The following SLC24A2 variants were observed in gnomAD, a reference collection of about 807,000 sequenced individuals.
SLC24A2 encodes sodium/potassium/calcium exchanger 2.
Under a neutral mutation model 62.0 loss-of-function variants are expected in SLC24A2, and 36 were observed. That is an observed-to-expected ratio of 0.58 (90% CI 0.44 to 0.77). The LOEUF is 0.77. Ranked by LOEUF, SLC24A2 falls within the 30% of genes least tolerant of loss-of-function variation. SLC24A2 has a pLI of 0.00. For missense variants in SLC24A2, 846 were observed against 817.9 expected (o/e 1.03, Z -0.42); for synonymous variants, 358 against 294.0 (o/e 1.22, Z -2.23).
the SLC24A2 span, among the ~76,000 whole-genome samples, chr9:20,246,461 C>T: frequency 1.3e-5 from 2 of 152,196 alleles, no homozygotes; most frequent in African/African-American, 4.8e-5. Flanking sequence ...TATAAACATG[C>T]AAACATTCAG....
At chr9:19,757,588 A>G (rs1822181680) in intron 2 of SLC24A2, among the ~76,000 whole-genome samples, 1 of 152,256 alleles carries the variant, frequency 6.6e-6, no homozygotes. Context: ...ACTGAAATAA[A>G]GAAACATCTA....
chr9:19,924,854 T>C, the SLC24A2 span, among the ~76,000 whole-genome samples: 1 of 152,172 alleles, frequency 6.6e-6, no homozygotes, highest in Admixed American at 6.5e-5. Context: ...GCCCCATAAT[T>C]ACTATCCTTC....
At chr9:20,260,632 T>C in the SLC24A2 span, among the ~76,000 whole-genome samples, 2 of 152,150 alleles carry the variant, frequency 1.3e-5, no homozygotes, top group Admixed American at 6.5e-5. Context: ...CTTTTTTCCA[T>C]CTCCATTGCT....
the SLC24A2 span, among the ~76,000 whole-genome samples, chr9:20,223,670 G>A: frequency 6.6e-6 from 1 of 152,224 alleles, no homozygotes; most frequent in African/African-American, 2.4e-5. Context: ...CTAAAAACAG[G>A]CCAGTGTACA....
At chr9:19,842,054 C>G in the SLC24A2 span, among the ~76,000 whole-genome samples, 3 of 152,184 alleles carry the variant, frequency 2.0e-5, no homozygotes, top group Non-Finnish European at 4.4e-5. Flanking sequence ...TGGGAACTGA[C>G]CAGTCACCTG....
intron 9 of SLC24A2, among the ~76,000 whole-genome samples, chr9:19,521,734 C>A (rs748313393): frequency 6.6e-6 from 1 of 152,136 alleles, no homozygotes; most frequent in Non-Finnish European, 1.5e-5. Flanking sequence ...ACTTTCTCAT[C>A]CATAAACTGG....
Position 19,622,260 on chromosome 9 carries a change from C to T in SLC24A2, c.969+1G>A. 6.2e-7 allele frequency: 1 copy of T among 1,613,176 alleles called. No individual in the cohort carries two copies. The highest frequency in any genetic ancestry group is 8.5e-7 in the Non-Finnish European group (1 of 1,179,310). ...GTACAGACAAAGCCACTGCTTCCTACCGGTAGAGTTGGTTCATCCTTGTCC... is the reference window on the plus strand; with the variant it reads ...GTACAGACAAAGCCACTGCTTCCTATCGGTAGAGTTGGTTCATCCTTGTCC... On this transcript the variant is annotated splice_donor_variant, in intron 3 of 10. Transcript: ENST00000341998. LOFTEE classifies it high-confidence loss of function.
intron 2 of SLC24A2, among the ~76,000 whole-genome samples, chr9:19,764,663 G>C (rs1587289873): frequency 6.6e-6 from 1 of 152,196 alleles, no homozygotes; most frequent in South Asian, 2.1e-4. Flanking sequence ...TGTAGTCAGA[G>C]AGACTGTTAT....
chr9:19,881,190 G>A, the SLC24A2 span, among the ~76,000 whole-genome samples: 3 of 152,264 alleles, frequency 2.0e-5, no homozygotes, highest in African/African-American at 7.2e-5. Flanking sequence ...CTTGAGTCTA[G>A]CAGGAAACAG....
the SLC24A2 span, among the ~76,000 whole-genome samples, chr9:20,167,690 TAAG>T: frequency 6.6e-6 from 1 of 151,922 alleles, no homozygotes; most frequent in Admixed American, 6.6e-5. Context: ...TAAGTATGTG[TAAG>T]AAATGTTTCA....
chr9:19,540,660 TG>T (rs1386020880), intron 8 of SLC24A2, among the ~76,000 whole-genome samples: 1 of 145,548 alleles, frequency 6.9e-6, no homozygotes. Context: ...ATTTCAACTT[TG>T]GTGAATCTGA....
chr9:19,878,338 C>A, the SLC24A2 span, among the ~76,000 whole-genome samples: 5,359 of 152,156 alleles, frequency 0.035, 152 homozygotes, highest in Non-Finnish European at 0.057. Flanking sequence ...GGAGTGGGGC[C>A]AGTTCCATTG....
the SLC24A2 span, among the ~76,000 whole-genome samples, chr9:20,250,604 C>T: frequency 6.6e-6 from 1 of 152,134 alleles, no homozygotes; most frequent in African/African-American, 2.4e-5. Flanking sequence ...AATGTCAGTA[C>T]CCATGCACGC....
the SLC24A2 span, among the ~76,000 whole-genome samples, chr9:20,112,781 T>C: frequency 6.6e-6 from 1 of 151,934 alleles, no homozygotes; most frequent in African/African-American, 2.4e-5. Flanking sequence ...ATTTTTAGTG[T>C]GTCAATCTTG....
At chr9:19,710,238 C>T (rs1032873491) in intron 2 of SLC24A2, among the ~76,000 whole-genome samples, 15 of 152,218 alleles carry the variant, frequency 9.9e-5, no homozygotes, top group Admixed American at 2.6e-4. Flanking sequence ...ATCATCTGCC[C>T]CTATGGGTAG....
chr9:19,687,717 G>A (rs375364082), intron 2 of SLC24A2, among the ~76,000 whole-genome samples: 1 of 152,010 alleles, frequency 6.6e-6, no homozygotes, highest in East Asian at 1.9e-4. Context: ...ATTCCTCCTT[G>A]AGTCCAAATC....
At chr9:20,118,825 T>C in the SLC24A2 span, among the ~76,000 whole-genome samples, 1 of 152,170 alleles carries the variant, frequency 6.6e-6, no homozygotes, top group Non-Finnish European at 1.5e-5. Flanking sequence ...CTTGTGTTCA[T>C]GCCCTGATAT....
At chr9:19,598,429 TACATCATTTACA>T (rs1292008059) in intron 4 of SLC24A2, among the ~76,000 whole-genome samples, 1 of 152,202 alleles carries the variant, frequency 6.6e-6, no homozygotes, top group Non-Finnish European at 1.5e-5. Flanking sequence ...ATTTGTATGA[TACATCATTTACA>T]CATTTTTTCA....
At chr9:20,182,756 C>T in the SLC24A2 span, among the ~76,000 whole-genome samples, 13 of 152,060 alleles carry the variant, frequency 8.5e-5, 1 homozygote, top group Non-Finnish European at 1.3e-4. Flanking sequence ...ACGTTGTGCA[C>T]ATGTACCCCA....
Sources: allele counts gnomAD v4.1 joint callset (sites outside exome capture counted in the v4.1 genomes callset), GRCh38; gene constraint gnomAD v4.1.1; transcripts MANE v1.5; gene names NCBI Gene and HGNC (gene_info 2026-07-23, HGNC 2026-07-21).